Variants in FH observed in about 807,000 individuals in gnomAD.
FH encodes fumarate hydratase.
Under a neutral mutation model 49.4 loss-of-function variants are expected in FH, and 22 were observed. The ratio of observed to expected loss-of-function variants is 0.45; its 90% CI spans 0.32 to 0.64. FH has a LOEUF of 0.64. Among genes scored for constraint, FH ranks in the 30% least tolerant of loss-of-function variants. The pLI, the probability that FH is intolerant of heterozygous loss-of-function variation, is 0.05. For synonymous variants in FH, 208 were observed against 223.0 expected (o/e 0.93, Z 0.60); for missense variants, 526 against 641.5 (o/e 0.82, Z 1.95).
At chr1:241,499,308 A>G (rs1659708915) in intron 9 of FH, among the ~76,000 whole-genome samples, 1 of 152,204 alleles carries the variant, frequency 6.6e-6, no homozygotes, top group South Asian at 2.1e-4. Context: ...TGATTCCAAT[A>G]AAGATTTGCC....
At chr1:241,509,647 A>G (rs1660029228) in intron 4 of FH, among the ~76,000 whole-genome samples, 1 of 152,138 alleles carries the variant, frequency 6.6e-6, no homozygotes, top group Non-Finnish European at 1.5e-5. Flanking sequence ...ATGGCGGTGC[A>G]TGCCTATGGT....
intron 6 of FH, 121 bp downstream of exon 6, chr1:241,505,882 G>A (rs983410224): frequency 7.2e-6 from 7 of 967,856 alleles, no homozygotes; most frequent in Admixed American, 1.9e-5. Flanking sequence ...ACACATGTTT[G>A]ATGGAAAAAT....
At position 241,504,826 on chromosome 1, in the gene FH, G is replaced by A. The variant is rs776480100; in HGVS notation, c.905-581C>T. ...AAACACAATCCTACTGCAAACACAC[G>A]TATATGATGCCTGACTATGCTTGAG... On this transcript the variant is annotated intron_variant, in intron 6 of 9. Coordinates refer to ENST00000366560, the MANE Select transcript of FH (RefSeq NM_000143.4). Among the ~76,000 whole-genome samples the A allele has an allele frequency of 2.6e-5, 4 of 151,686 alleles. No individual in the cohort carries two copies. In the South Asian group the frequency reaches 6.3e-4, roughly 24 times the overall value.
chr1:241,517,878 A>C (rs570758961), intron 1 of FH, among the ~76,000 whole-genome samples: 1 of 152,276 alleles, frequency 6.6e-6, no homozygotes, highest in African/African-American at 2.4e-5. Flanking sequence ...CTCATTCTCA[A>C]TGCACTTTTT....
intron 7 of FH, among the ~76,000 whole-genome samples, chr1:241,503,493 G>C (rs1194256058): frequency 1.3e-5 from 2 of 152,164 alleles, no homozygotes; most frequent in Non-Finnish European, 2.9e-5. Flanking sequence ...TCAGTCACCA[G>C]TAAAGTGTTG....
In FH at chr1:241,500,636, A is replaced by AGAGAGAGAGAGAGG. The variant is rs775301109; in HGVS notation, c.1237-47_1237-46insCCTCTCTCTCTCTC. The AGAGAGAGAGAGAGG allele has an allele frequency of 2.2e-4, 354 of 1,606,124 alleles. 1 individual carries two copies. The highest frequency in any genetic ancestry group is 2.5e-5 in the Non-Finnish European group (29 of 1,178,568). Reference sequence around the variant, plus strand: ...GAGAGAGAGAGAGAGAGAGAGAGAGAGAGACATTACTAAGGCAACATGTTT... The same window carrying AGAGAGAGAGAGAGG: ...GAGAGAGAGAGAGAGAGAGAGAGAGAGAGAGAGAGAGAGGGAGACATTACTAAGGCAACATGTTT... On this transcript the variant is annotated intron_variant, in intron 8 of 9. Coordinates refer to ENST00000366560, the MANE Select transcript of FH (RefSeq NM_000143.4).
chr1:241,509,753 G>T (rs1048571188), intron 4 of FH, among the ~76,000 whole-genome samples: 2 of 151,080 alleles, frequency 1.3e-5, no homozygotes. Flanking sequence ...TCCAGCCTGG[G>T]TGACAGAGTG....
At position 241,517,215 on chromosome 1, in the gene FH, G is replaced by T. The variant is rs993218685; in HGVS notation, c.234C>A (p.Asn78Lys). 1 of 1,614,084 alleles carries T rather than the reference G, an allele frequency of 6.2e-7. No individual in the cohort carries two copies. The highest frequency in any genetic ancestry group is 8.5e-7 in the Non-Finnish European group (1 of 1,180,030). ...GTTCTGTCACACCTCCAATCTTAAAGTTCATCGTAGATCTCACGGTCTGGG... is the reference window on the plus strand; with the variant it reads ...GTTCTGTCACACCTCCAATCTTAAATTTCATCGTAGATCTCACGGTCTGGG... ...YGAQTVRSTMNFKIGGVTERM... is the reference protein window; with the variant it reads ...YGAQTVRSTMKFKIGGVTERM... The change falls in exon 2 of 10, where the codon AAC becomes AAA. Residue 78 changes from asparagine to lysine, a missense_variant. Coordinates refer to ENST00000366560, the MANE Select transcript of FH (RefSeq NM_000143.4).
intron 1 of FH, among the ~76,000 whole-genome samples, chr1:241,517,880 G>A (rs1197790409): frequency 6.6e-6 from 1 of 152,072 alleles, no homozygotes; most frequent in Non-Finnish European, 1.5e-5. Flanking sequence ...CATTCTCAAT[G>A]CACTTTTTAA....
In FH at chr1:241,504,032, A is replaced by G. The variant is rs201513242; in HGVS notation, c.1108+10T>C. The stretch of plus-strand genomic sequence containing the variant: ...GTTTTAGCTCCAACATTTACTAGCT[A>G]TGTGATTACCTGGCATGATACTGCT... On this transcript the variant is annotated intron_variant, in intron 7 of 9. Coordinates refer to ENST00000366560, the MANE Select transcript of FH (RefSeq NM_000143.4). 6 of 1,612,148 alleles carry G rather than the reference A, an allele frequency of 3.7e-6. No homozygotes were observed. The highest frequency in any genetic ancestry group is 1.1e-5 in the South Asian group (1 of 90,686).
intron 3 of FH, 141 bp downstream of exon 3, chr1:241,513,462 T>A: frequency 1.3e-6 from 1 of 755,182 alleles, no homozygotes. Flanking sequence ...ATATCACCAC[T>A]AAAAATAATG....
At chr1:241,508,544 G>T in intron 5 of FH, 59 bp downstream of exon 5, 1 of 1,444,856 alleles carries the variant, frequency 6.9e-7, no homozygotes, top group African/African-American at 1.4e-5. Context: ...TTTCAAGGAT[G>T]ACACATTGGC....
At chr1:241,519,356 C>G (rs959690804) in intron 1 of FH, 2 of 518,612 alleles carry the variant, frequency 3.9e-6, no homozygotes, top group African/African-American at 4.1e-5. Context: ...AGGACCCTCT[C>G]TGACAGCCCC....
chr1:241,500,722 G>A (rs1659758326), intron 8 of FH, 132 bp from the exon 9 acceptor site: 1 of 1,261,364 alleles, frequency 7.9e-7, no homozygotes, highest in Non-Finnish European at 1.1e-6. Flanking sequence ...TAAACATATA[G>A]ATCTTCTACA....
In FH at chr1:241,519,665, C is replaced by T. The variant is rs572324497; in HGVS notation, c.58G>A (p.Ala20Thr). The T allele has an allele frequency of 4.5e-6, 7 of 1,547,724 alleles. No homozygotes were observed. The Admixed American group carries it at 1.2e-4, about 26-fold the overall frequency. ...AAGCCGGGAGCCGAAGCTAAGGCTG[C>T]GGCTGGAGCCCGCACGAGGGGACGC... ...RSRPLVRAPA[A>T]ALASAPGLGG... The change falls in exon 1 of 10, where the codon GCA becomes ACA. Residue 20 changes from alanine (A) to threonine (T), a missense_variant. Coordinates refer to ENST00000366560, the MANE Select transcript of FH (RefSeq NM_000143.4).
At chr1:241,498,356 G>C (rs1243934016) in intron 9 of FH, among the ~76,000 whole-genome samples, 1 of 151,972 alleles carries the variant, frequency 6.6e-6, no homozygotes, top group Non-Finnish European at 1.5e-5. Context: ...ACATTAACAA[G>C]CTAAATGCTC....
rs1368699396 is a variant in FH, at chr1:241,502,564, A to C, written c.1115T>G (p.Val372Gly). Reference sequence around the variant, plus strand: ...CATTGCTTCACACTGAGTAGGGTTCACCTTGCCTTCAAGAAAACCACCAAT... The same window carrying C: ...CATTGCTTCACACTGAGTAGGGTTCCCCTTGCCTTCAAGAAAACCACCAAT... ...EPGSSIMPGKVNPTQCEAMTM... is the reference protein window; with the variant it reads ...EPGSSIMPGKGNPTQCEAMTM... The change falls in exon 8 of 10, where the codon GTG becomes GGG. Residue 372 changes from valine (V) to glycine (G), a missense_variant. Physicochemically the swap from Val to Gly is moderately radical, Grantham distance 109 (BLOSUM62 -3). This residue lies in a region of FH where 383 missense variants were observed against 514.0 expected (regional missense o/e 0.75). Coordinates refer to ENST00000366560, the MANE Select transcript of FH (RefSeq NM_000143.4). 1 of 1,614,008 alleles carries C rather than the reference A, an allele frequency of 6.2e-7. No individual in the cohort carries two copies. The highest frequency in any genetic ancestry group is 1.3e-5 in the African/African-American group (1 of 74,936).
rs756731681 is a variant in FH at position 241,497,985 on chromosome 1, A to G, written c.1391-15T>C. The G allele has an allele frequency of 4.3e-6, 7 of 1,613,840 alleles. No individual in the cohort carries two copies. In the East Asian group the frequency reaches 1.6e-4, roughly 36 times the overall value. On this transcript the variant is annotated splice_polypyrimidine_tract_variant and intron_variant, in intron 9 of 9. Transcript: ENST00000366560. ...CTTGTCATACCCTGAAGAAAAAATA[A>G]AAAGACGACATATGGGTTAGCAGTG... is the stretch of plus-strand genomic sequence containing the variant.
At chr1:241,503,278 A>G (rs1432725896) in intron 7 of FH, among the ~76,000 whole-genome samples, 1 of 152,198 alleles carries the variant, frequency 6.6e-6, no homozygotes, top group Non-Finnish European at 1.5e-5. Context: ...GTACTTTAAA[A>G]CAAAATTTCA....
Sources: allele counts gnomAD v4.1 joint callset (sites outside exome capture counted in the v4.1 genomes callset), GRCh38; gene constraint gnomAD v4.1.1; regional missense constraint gnomAD v4.1.1; transcripts MANE v1.5; gene names NCBI Gene and HGNC (gene_info 2026-07-23, HGNC 2026-07-21).